Variants in CSDC2 observed in about 807,000 individuals in gnomAD.
CSDC2 encodes cold shock domain containing C2.
Under a neutral mutation model 15.8 loss-of-function variants are expected in CSDC2, and 8 were observed. The ratio of observed to expected loss-of-function variants is 0.51; its 90% CI spans 0.30 to 0.92. CSDC2 has a LOEUF of 0.92. CSDC2 is among the 40% of genes least tolerant of loss of function. The pLI, the probability that CSDC2 is intolerant of heterozygous loss-of-function variation, is 0.07. For synonymous variants in CSDC2, 96 were observed against 92.3 expected, an observed-to-expected ratio of 1.04 and a Z score of -0.23; for missense variants, 195 against 213.3, an observed-to-expected ratio of 0.91 and a Z score of 0.53.
At chr22:41,568,984 T>A (rs2067131020) in intron 1 of CSDC2, among the ~76,000 whole-genome samples, 1 of 152,164 alleles carries the variant, frequency 6.6e-6, no homozygotes. Flanking sequence ...ATGAGCTGCA[T>A]CTCCCCCTCT....
At chr22:41,573,057 T>A (rs1290845662) in intron 2 of CSDC2, among the ~76,000 whole-genome samples, 1 of 151,994 alleles carries the variant, frequency 6.6e-6, no homozygotes, top group African/African-American at 2.4e-5. Context: ...TTTAAAAAAA[T>A]GTTTGGGCCA....
intron 3 of CSDC2, 33 bp downstream of exon 3, chr22:41,573,810 C>G (rs769252435): frequency 2.5e-6 from 4 of 1,598,898 alleles, no homozygotes; most frequent in Non-Finnish European, 3.4e-6. Context: ...TTCTTGGCCC[C>G]TGCCCTAGTG....
Position 41,561,070 on chromosome 22 carries a change from ACACACACACAC to A in CSDC2, c.-236_-226del, listed in dbSNP as rs573310247. ...GACACACACACACACACACACACACACACACACACACATCTTCCAGACCCATCCCCTGCCTG... is the reference window on the plus strand; with the variant it reads ...GACACACACACACACACACACACACAATCTTCCAGACCCATCCCCTGCCTG... On this transcript the variant is annotated 5_prime_UTR_variant, in exon 1 of 4. Transcript: ENST00000306149. 95 of 124,372 alleles carry A rather than the reference ACACACACACAC, an allele frequency of 7.6e-4. No homozygotes were observed. Among genetic ancestry groups the A allele is most frequent in the Admixed American group, 1.2e-3 (16 of 13,168 alleles). The allele number at this position is 124,372 out of a possible 1,614,324, so 7.7% of individuals were successfully genotyped here. A position where few individuals can be genotyped will look rare whatever the true frequency, so the allele number is the denominator to read the frequency against.
At chr22:41,561,534 A>G (rs2067085065) in intron 1 of CSDC2, among the ~76,000 whole-genome samples, 1 of 152,104 alleles carries the variant, frequency 6.6e-6, no homozygotes, top group Non-Finnish European at 1.5e-5. Context: ...GACCAGAGAA[A>G]CCCCAGTGCC....
rs1417164419 is a variant in CSDC2 at position 41,575,209 on chromosome 22, C to T, written c.*314C>T. Reference sequence around the variant, plus strand: ...GGACCCGCTCGCCCTCCTGCTTACCCGTCCCCACGGTGACTGAGCTGCGAG... The same window carrying T: ...GGACCCGCTCGCCCTCCTGCTTACCTGTCCCCACGGTGACTGAGCTGCGAG... On this transcript the variant is annotated 3_prime_UTR_variant, in exon 4 of 4. Transcript: ENST00000306149. 3 of 419,854 alleles carry T rather than the reference C, an allele frequency of 7.1e-6. No individual in the cohort carries two copies. Among genetic ancestry groups the T allele is most frequent in the South Asian group, 2.8e-5 (1 of 35,666 alleles). 26.0% of individuals were successfully genotyped at this position (419,854 alleles called of 1,614,324 possible).
intron 3 of CSDC2, 54 bp from the exon 4 acceptor site, chr22:41,574,679 T>G: frequency 6.3e-7 from 1 of 1,589,562 alleles, no homozygotes; most frequent in African/African-American, 1.3e-5. Context: ...GCCACAGGAT[T>G]GTCTGGGGCA....
chr22:41,572,178 G>C (rs373725677), intron 2 of CSDC2, 37 bp downstream of exon 2: 110 of 1,273,450 alleles, frequency 8.6e-5, no homozygotes, highest in Non-Finnish European at 1.1e-4. Flanking sequence ...CCTGACCCTT[G>C]TCAGGACAGG....
At position 41,571,840 on chromosome 22, in the gene CSDC2, C is replaced by T; in HGVS notation, c.-123-3C>T. On this transcript the variant is annotated splice_polypyrimidine_tract_variant and splice_region_variant and intron_variant, in intron 1 of 3. Coordinates refer to ENST00000306149, the MANE Select transcript of CSDC2 (RefSeq NM_014460.4). ...CACCTGTGCCTCTTTCTTCCTCTTC[C>T]AGACGGAGCCCGTGGCTGGTGAGGC... 1 of 541,026 alleles carries T rather than the reference C, an allele frequency of 1.8e-6. No homozygotes were observed. The highest frequency in any genetic ancestry group is 2.9e-6 in the Non-Finnish European group (1 of 340,236). The allele number at this position is 541,026 out of a possible 1,614,324, so 33.5% of individuals were successfully genotyped here.
intron 1 of CSDC2, among the ~76,000 whole-genome samples, chr22:41,570,085 T>C (rs2067137660): frequency 6.6e-6 from 1 of 152,136 alleles, no homozygotes; most frequent in Admixed American, 6.6e-5. Flanking sequence ...CGGCTGTTTG[T>C]GTGGTTGCTT....
At chr22:41,561,770 G>A (rs891891119) in intron 1 of CSDC2, among the ~76,000 whole-genome samples, 28 of 152,262 alleles carry the variant, frequency 1.8e-4, no homozygotes, top group Admixed American at 2.6e-4. Flanking sequence ...ACCCCACCCC[G>A]AGCCCTTGCT....
rs967821658 is a variant in CSDC2, at chr22:41,562,296, T to C, written c.-124+1113T>C. Among the ~76,000 whole-genome samples the C allele has an allele frequency of 2.0e-5, 3 of 151,846 alleles. 1 individual carries two copies. The highest frequency in any genetic ancestry group is 4.8e-5 in the African/African-American group (2 of 41,336). ...AGAGTCCTCTGGACCCTCCAAATTC[T>C]GAATGTTTCCTCCTCCCAGCTTTGC... On this transcript the variant is annotated intron_variant, in intron 1 of 3. Coordinates refer to ENST00000306149, the MANE Select transcript of CSDC2 (RefSeq NM_014460.4).
intron 1 of CSDC2, among the ~76,000 whole-genome samples, chr22:41,569,284 G>A (rs567425395): frequency 6.6e-6 from 1 of 152,194 alleles, no homozygotes; most frequent in Non-Finnish European, 1.5e-5. Flanking sequence ...CTGAGATATC[G>A]TTCATATACC....
intron 1 of CSDC2, among the ~76,000 whole-genome samples, chr22:41,566,799 C>T (rs532468884): frequency 8.0e-5 from 12 of 149,928 alleles, no homozygotes; most frequent in East Asian, 6.0e-4. Context: ...TGGTGGCAGG[C>T]GCCTGTAATC....
chr22:41,561,501 G>C (rs2067084884), intron 1 of CSDC2, among the ~76,000 whole-genome samples: 1 of 152,228 alleles, frequency 6.6e-6, no homozygotes, highest in Non-Finnish European at 1.5e-5. Flanking sequence ...TGTCTGGGAA[G>C]CAGCGGGAGA....
In CSDC2 at chr22:41,571,849, C is replaced by T; in HGVS notation, c.-117C>T. 5.2e-6 allele frequency: 3 copies of T among 574,586 alleles called. No homozygotes were observed. Among genetic ancestry groups the T allele is most frequent in the Non-Finnish European group, 8.1e-6 (3 of 368,894 alleles). The allele number at this position is 574,586 out of a possible 1,614,324, so 35.6% of individuals were successfully genotyped here. On this transcript the variant is annotated 5_prime_UTR_variant, in exon 2 of 4. Transcript: ENST00000306149. ...CTCTTTCTTCCTCTTCCAGACGGAG[C>T]CCGTGGCTGGTGAGGCCGCAGAGCA...
intron 1 of CSDC2, among the ~76,000 whole-genome samples, chr22:41,563,082 C>A (rs1393141844): frequency 6.6e-6 from 1 of 152,136 alleles, no homozygotes; most frequent in South Asian, 2.1e-4. Flanking sequence ...CACAGCAGTT[C>A]CCCAGGGCAG....
At chr22:41,574,687 G>A (rs756216389) in intron 3 of CSDC2, 46 bp from the exon 4 acceptor site, 1 of 1,598,994 alleles carries the variant, frequency 6.3e-7, no homozygotes, top group Non-Finnish European at 8.5e-7. Context: ...ATTGTCTGGG[G>A]CACAGGGCCT....
chr22:41,562,926 T>C (rs2067094844), intron 1 of CSDC2, among the ~76,000 whole-genome samples: 1 of 151,934 alleles, frequency 6.6e-6, no homozygotes, highest in African/African-American at 2.4e-5. Flanking sequence ...TCTATTCCTC[T>C]CTCTAGGGGG....
rs140844484 is a variant in CSDC2, at chr22:41,562,459, G to A, written c.-124+1276G>A. Among the ~76,000 whole-genome samples, 449 of 151,880 alleles carry A rather than the reference G, an allele frequency of 3.0e-3. 6 individuals are homozygous for A. The highest frequency in any genetic ancestry group is 9.9e-3 in the African/African-American group (411 of 41,418). On this transcript the variant is annotated intron_variant, in intron 1 of 3. Coordinates refer to ENST00000306149, the MANE Select transcript of CSDC2 (RefSeq NM_014460.4). ...CAGGAACTGCCTGCCCGTGTCCTGG[G>A]AAAGGCCAGAGGACAGTTTTGGCCA... is the stretch of plus-strand genomic sequence containing the variant.
Sources: allele counts gnomAD v4.1 joint callset (sites outside exome capture counted in the v4.1 genomes callset), GRCh38; gene constraint gnomAD v4.1.1; transcripts MANE v1.5; gene names NCBI Gene and HGNC (gene_info 2026-07-23, HGNC 2026-07-21).